The following ADORA2B variants were observed in gnomAD, a reference collection of about 807,000 sequenced individuals.
The protein encoded by ADORA2B is adenosine A2b receptor.
ADORA2B carries 18 observed loss-of-function variants against 20.8 expected under a neutral mutation model. The ratio of observed to expected loss-of-function variants is 0.87; its 90% CI spans 0.60 to 1.29. The LOEUF is 1.29. ADORA2B is among the 50% of genes most tolerant of loss of function. The pLI is 0.00. For missense variants in ADORA2B, 441 were observed against 422.7 expected (o/e 1.04, Z -0.38); for synonymous variants, 179 against 178.3 (o/e 1.00, Z -0.03).
chr17:15,938,316 T>G, the ADORA2B span, among the ~76,000 whole-genome samples: 2 of 152,218 alleles, frequency 1.3e-5, no homozygotes, highest in Admixed American at 1.3e-4. Context: ...TTTGTTTTTG[T>G]TTTTGAGATG....
At chr17:15,948,428 G>A (rs964000790) in intron 1 of ADORA2B, among the ~76,000 whole-genome samples, 2 of 74,098 alleles carry the variant, frequency 2.7e-5, no homozygotes, top group South Asian at 5.0e-4. Context: ...CAGTGGTGCC[G>A]ACGGGAGTGG....
Position 15,975,477 on chromosome 17 carries a change from AC to A in ADORA2B, c.*137del. ...CTCTCTTGAGCACTTCCCTGGAGCTACCACGTATCTAGCTAATATGTATGTG... is the reference window on the plus strand; with the variant it reads ...CTCTCTTGAGCACTTCCCTGGAGCTACACGTATCTAGCTAATATGTATGTG... On this transcript the variant is annotated 3_prime_UTR_variant, in exon 2 of 2. Coordinates refer to ENST00000304222, the MANE Select transcript of ADORA2B (RefSeq NM_000676.4). The A allele has an allele frequency of 1.2e-6, 1 of 815,364 alleles. No individual in the cohort carries two copies. Among genetic ancestry groups the A allele is most frequent in the Non-Finnish European group, 1.9e-6 (1 of 523,282 alleles). 50.5% of individuals were successfully genotyped at this position (815,364 alleles called of 1,614,324 possible). A position where few individuals can be genotyped will look rare whatever the true frequency, so the allele number is the denominator to read the frequency against.
chr17:15,925,853 C>T, the ADORA2B span, among the ~76,000 whole-genome samples: 1 of 151,996 alleles, frequency 6.6e-6, no homozygotes, highest in African/African-American at 2.4e-5. Flanking sequence ...TGCCTATAAT[C>T]CCACCTACTC....
chr17:15,874,018 G>A, the ADORA2B span, among the ~76,000 whole-genome samples: 1 of 144,886 alleles, frequency 6.9e-6, no homozygotes, highest in Admixed American at 6.8e-5. Context: ...AGTGGATAAA[G>A]AAAATGTGAC....
intron 1 of ADORA2B, among the ~76,000 whole-genome samples, chr17:15,969,334 G>A (rs1328174447): frequency 6.6e-6 from 1 of 152,148 alleles, no homozygotes; most frequent in South Asian, 2.1e-4. Context: ...GGCGCCTGTA[G>A]TCCCAGCTAC....
At chr17:15,917,776 C>T in the ADORA2B span, among the ~76,000 whole-genome samples, 1 of 152,226 alleles carries the variant, frequency 6.6e-6, no homozygotes, top group Non-Finnish European at 1.5e-5. Flanking sequence ...ACGACCGCTC[C>T]GGGCCTGGCG....
intron 1 of ADORA2B, 27 bp downstream of exon 1, chr17:15,945,610 C>T: frequency 3.4e-6 from 5 of 1,449,302 alleles, no homozygotes; most frequent in Non-Finnish European, 4.5e-6. Flanking sequence ...CGCCCGAACT[C>T]GGGGCCCCGT....
the ADORA2B span, among the ~76,000 whole-genome samples, chr17:15,865,280 G>A: frequency 6.6e-6 from 1 of 152,054 alleles, no homozygotes; most frequent in East Asian, 1.9e-4. Flanking sequence ...TGTTGTTTAA[G>A]AGACGGAGTC....
chr17:15,904,601 C>CT, the ADORA2B span, among the ~76,000 whole-genome samples: 5 of 152,124 alleles, frequency 3.3e-5, no homozygotes, highest in South Asian at 1.0e-3. Context: ...TAGCCAGGAT[C>CT]TTCTGACGTC....
chr17:15,898,453 C>CTT, the ADORA2B span, among the ~76,000 whole-genome samples: 361 of 127,478 alleles, frequency 2.8e-3, 1 homozygote, highest in Middle Eastern at 0.012. Context: ...TAATCTCCCA[C>CTT]TTTTTTTTTT....
chr17:15,884,706 T>A, the ADORA2B span, among the ~76,000 whole-genome samples: 2 of 152,214 alleles, frequency 1.3e-5, no homozygotes, highest in Non-Finnish European at 2.9e-5. Flanking sequence ...TTGCTGAGGA[T>A]AATGGCTTCC....
At chr17:15,885,998 G>T in the ADORA2B span, among the ~76,000 whole-genome samples, 13 of 152,194 alleles carry the variant, frequency 8.5e-5, no homozygotes, top group African/African-American at 3.1e-4. Context: ...AGTTCTTAGC[G>T]TGGCCAGTTG....
rs1475179169 is a variant in ADORA2B, at chr17:15,975,364, G to T, written c.*22G>T. 5.0e-6 allele frequency: 8 copies of T among 1,593,564 alleles called. No individual in the cohort carries two copies. The South Asian group carries it at 8.9e-5, about 18-fold the overall frequency. ...ATGATCTAGGCTCTCGCCTCTTCCAGGAGAAGATACAAATCCACAAGAAAC... is the reference window on the plus strand; with the variant it reads ...ATGATCTAGGCTCTCGCCTCTTCCATGAGAAGATACAAATCCACAAGAAAC... On this transcript the variant is annotated 3_prime_UTR_variant, in exon 2 of 2. Coordinates refer to ENST00000304222, the MANE Select transcript of ADORA2B (RefSeq NM_000676.4).
At chr17:15,905,337 A>G in the ADORA2B span, among the ~76,000 whole-genome samples, 4 of 151,914 alleles carry the variant, frequency 2.6e-5, no homozygotes, top group East Asian at 1.9e-4. Context: ...ACAAAATCCA[A>G]TTGTTCATTT....
the ADORA2B span, among the ~76,000 whole-genome samples, chr17:15,906,989 G>C: frequency 6.6e-6 from 1 of 152,186 alleles, no homozygotes; most frequent in Non-Finnish European, 1.5e-5. Context: ...CCATCATACA[G>C]AGGAAAGCTT....
rs533022963 is a variant in ADORA2B at position 15,951,926 on chromosome 17, G to T, written c.335+6343G>T. Among the ~76,000 whole-genome samples, 4 of 152,284 alleles carry T rather than the reference G, an allele frequency of 2.6e-5. No individual in the cohort carries two copies. The South Asian group carries it at 8.3e-4, about 32-fold the overall frequency. ...CTGGAGCTGCTCCCAGAGGGCAGAG[G>T]CCTCCTCTGCAGACCAGGCACAGTC... On this transcript the variant is annotated intron_variant, in intron 1 of 1. Transcript: ENST00000304222.
the ADORA2B span, among the ~76,000 whole-genome samples, chr17:15,868,394 A>T: frequency 2.2e-5 from 3 of 139,486 alleles, 1 homozygote; most frequent in Non-Finnish European, 4.9e-5. Flanking sequence ...TCTTCTTTTG[A>T]TGAACAAAGT....
At chr17:15,926,295 C>G in the ADORA2B span, among the ~76,000 whole-genome samples, 3 of 151,732 alleles carry the variant, frequency 2.0e-5, no homozygotes, top group African/African-American at 7.3e-5. Context: ...GGGACGCAGA[C>G]AAGAAACAGC....
chr17:15,850,844 T>G, the ADORA2B span, among the ~76,000 whole-genome samples: 1 of 152,216 alleles, frequency 6.6e-6, no homozygotes, highest in Non-Finnish European at 1.5e-5. Context: ...CTCATTTCAC[T>G]TTATCATTGG....
Sources: allele counts gnomAD v4.1 joint callset (sites outside exome capture counted in the v4.1 genomes callset), GRCh38; gene constraint gnomAD v4.1.1; transcripts MANE v1.5; gene names NCBI Gene and HGNC (gene_info 2026-07-23, HGNC 2026-07-21).